The following TRPC3 variants were observed in gnomAD, a reference collection of about 807,000 sequenced individuals.
TRPC3 encodes the protein transient receptor potential cation channel subfamily C member 3.
In TRPC3, 54 loss-of-function variants were observed where a neutral mutation model predicts 90.9. The observed-to-expected ratio is 0.59, with a 90% CI of 0.48 to 0.75. The LOEUF is 0.75. TRPC3 is among the 30% of genes least tolerant of loss of function. TRPC3 has a pLI of 0.00. For synonymous variants in TRPC3, 424 were observed against 450.9 expected (o/e 0.94, Z 0.75); for missense variants, 918 against 1,194.5 (o/e 0.77, Z 3.41).
At chr4:121,883,151 T>C (rs1287616955) in intron 10 of TRPC3, among the ~76,000 whole-genome samples, 1 of 152,042 alleles carries the variant, frequency 6.6e-6, no homozygotes, top group Non-Finnish European at 1.5e-5. Flanking sequence ...TCCATTTGCA[T>C]CTTAAATGTG....
In TRPC3 at chr4:121,899,779, C is replaced by A. The variant is rs1728642089; in HGVS notation, c.2464-84G>T. ...ATAATCCATTTATTCTCCTTGATAA[C>A]ATTTCTGGAGTCAACATTCCCAAGA... On this transcript the variant is annotated intron_variant, in intron 9 of 11. Coordinates refer to ENST00000379645, the MANE Select transcript of TRPC3 (RefSeq NM_001130698.2). 18 of 1,076,800 alleles carry A rather than the reference C, an allele frequency of 1.7e-5. 1 individual carries two copies. In the South Asian group the frequency reaches 1.7e-4, roughly 10 times the overall value. 66.7% of individuals were successfully genotyped at this position (1,076,800 alleles called of 1,614,324 possible). A position where few individuals can be genotyped will look rare whatever the true frequency, so the allele number is the denominator to read the frequency against.
At chr4:121,906,681 G>C (rs905632728) in intron 7 of TRPC3, among the ~76,000 whole-genome samples, 2 of 152,002 alleles carry the variant, frequency 1.3e-5, no homozygotes, top group Middle Eastern at 3.2e-3. Context: ...TAGAAGGGGG[G>C]CCCTATATTC....
chr4:121,899,980 G>A (rs575088963), intron 9 of TRPC3, among the ~76,000 whole-genome samples: 95 of 152,084 alleles, frequency 6.2e-4, no homozygotes, highest in African/African-American at 2.2e-3. Flanking sequence ...AATTTTCCCT[G>A]GGGACCTTGT....
chr4:121,951,915 C>G lies in TRPC3; in HGVS notation c.-235G>C, dbSNP rs1169500836. On this transcript the variant is annotated 5_prime_UTR_variant, in exon 1 of 12. Transcript: ENST00000379645. The surrounding 1 kb of genome is among the most constrained non-coding windows in gnomAD (Gnocchi z 4.4). ...CATCAAACCGTGGGAGCAGCTGCCG[C>G]GGCCGTGGCTGCGACGAGGAAGCCC... is the stretch of plus-strand genomic sequence containing the variant. Among the ~76,000 whole-genome samples the G allele has an allele frequency of 6.6e-6, 1 of 152,022 alleles. No homozygotes were observed. Among genetic ancestry groups the G allele is most frequent in the Non-Finnish European group, 1.5e-5 (1 of 68,012 alleles).
chr4:121,876,725 C>T lies in TRPC3; in HGVS notation c.*3011G>A, dbSNP rs974878229. ...ATTTTTCAAAGTTTTCTCATTATTTCAAGTCTAAGAACCCAAACTTTTCAA... is the reference window on the plus strand; with the variant it reads ...ATTTTTCAAAGTTTTCTCATTATTTTAAGTCTAAGAACCCAAACTTTTCAA... On this transcript the variant is annotated 3_prime_UTR_variant, in exon 12 of 12. Transcript: ENST00000379645. Among the ~76,000 whole-genome samples, 4 of 152,064 alleles carry T rather than the reference C, an allele frequency of 2.6e-5. No individual in the cohort carries two copies. Among genetic ancestry groups the T allele is most frequent in the Non-Finnish European group, 5.9e-5 (4 of 68,006 alleles).
intron 1 of TRPC3, among the ~76,000 whole-genome samples, chr4:121,934,329 A>G (rs1730058138): frequency 6.6e-6 from 1 of 152,212 alleles, no homozygotes; most frequent in Admixed American, 6.5e-5. Context: ...CATCGTGACT[A>G]TCTATAATCT....
intron 1 of TRPC3, 30 bp from the exon 2 acceptor site, chr4:121,933,072 A>G (rs1730010115): frequency 6.5e-7 from 1 of 1,530,350 alleles, no homozygotes; most frequent in South Asian, 1.3e-5. Flanking sequence ...AAACAACTGT[A>G]GAATATTAGG....
At chr4:121,890,353 A>AAG (rs1728280285) in intron 10 of TRPC3, among the ~76,000 whole-genome samples, 1 of 152,236 alleles carries the variant, frequency 6.6e-6, no homozygotes. Flanking sequence ...ATAAATGAAC[A>AAG]AGGTGATGAA....
Position 121,951,523 on chromosome 4 carries a change from G to A in TRPC3, c.158C>T (p.Pro53Leu), listed in dbSNP as rs1283147679. 17 of 1,389,726 alleles carry A rather than the reference G, an allele frequency of 1.2e-5. No individual in the cohort carries two copies. The highest frequency in any genetic ancestry group is 1.5e-5 in the African/African-American group (1 of 65,504). 86.1% of individuals were successfully genotyped at this position (1,389,726 alleles called of 1,614,324 possible). ...GTAGCCGTGCGGCTCCCGCTGCGAG[G>A]GCGCCGAGCGCGGCTCCAGCCCCCC... Reference protein sequence around the residue: ...VNGGLEPRSAPSQREPHGYCP... With the variant: ...VNGGLEPRSALSQREPHGYCP... The change falls in exon 1 of 12, where the codon CCC becomes CTC. Residue 53 changes from proline to leucine, a missense_variant. Physicochemically the swap from Pro to Leu is moderately conservative, Grantham distance 98 (BLOSUM62 -3). Coordinates refer to ENST00000379645, the MANE Select transcript of TRPC3 (RefSeq NM_001130698.2). The surrounding 1 kb of genome is among the most constrained non-coding windows in gnomAD (Gnocchi z 4.4).
At position 121,895,224 on chromosome 4, in the gene TRPC3, T is replaced by C. The variant is rs77233187; in HGVS notation, c.2547+4388A>G. Among the ~76,000 whole-genome samples the C allele has an allele frequency of 1.4e-3, 207 of 151,452 alleles. 2 individuals carry two copies. Among genetic ancestry groups the C allele is most frequent in the African/African-American group, 4.0e-3 (166 of 41,268 alleles). On this transcript the variant is annotated intron_variant, in intron 10 of 11. Transcript: ENST00000379645. The stretch of plus-strand genomic sequence containing the variant: ...TACATCCATCAAAAAACTAGAAAGA[T>C]TTCAAACAATCTAATGATGCACATA...
At chr4:121,912,391 T>C (rs1447988063) in intron 4 of TRPC3, among the ~76,000 whole-genome samples, 1 of 152,166 alleles carries the variant, frequency 6.6e-6, no homozygotes, top group East Asian at 1.9e-4. Flanking sequence ...GCTCTTATTT[T>C]TACACAAAAG....
intron 2 of TRPC3, among the ~76,000 whole-genome samples, chr4:121,929,997 C>T (rs1304427406): frequency 2.6e-5 from 4 of 152,094 alleles, no homozygotes; most frequent in Non-Finnish European, 5.9e-5. Flanking sequence ...TTTTGCTGCC[C>T]TTTCAGAGCT....
intron 7 of TRPC3, among the ~76,000 whole-genome samples, chr4:121,905,186 AAT>A (rs1460094264): frequency 6.6e-6 from 1 of 152,098 alleles, no homozygotes; most frequent in Non-Finnish European, 1.5e-5. Context: ...AGGGCATACA[AAT>A]ACTTATATTC....
At chr4:121,913,136 G>C (rs1203749125) in intron 4 of TRPC3, among the ~76,000 whole-genome samples, 1 of 152,160 alleles carries the variant, frequency 6.6e-6, no homozygotes, top group Admixed American at 6.5e-5. Context: ...ACAGACGAAT[G>C]TCACATTTTC....
intron 10 of TRPC3, among the ~76,000 whole-genome samples, chr4:121,884,310 A>G (rs1164548609): frequency 6.6e-6 from 1 of 152,184 alleles, no homozygotes; most frequent in Admixed American, 6.6e-5. Context: ...GAGAAACCCA[A>G]CTTCAAGATA....
intron 1 of TRPC3, among the ~76,000 whole-genome samples, chr4:121,943,805 T>C (rs1348918270): frequency 1.3e-5 from 2 of 152,196 alleles, no homozygotes; most frequent in Non-Finnish European, 1.5e-5. Context: ...GTCACACATT[T>C]TCCTTAACAA....
rs1376540834 is a variant in TRPC3, at chr4:121,875,231, A to C, written c.*4505T>G. On this transcript the variant is annotated 3_prime_UTR_variant, in exon 12 of 12. Coordinates refer to ENST00000379645, the MANE Select transcript of TRPC3 (RefSeq NM_001130698.2). The stretch of plus-strand genomic sequence containing the variant: ...ATTAATTGTGTAGAAGGAAAGTAAA[A>C]GTTTATTTTGAAGCTCAAATTTATT... Among the ~76,000 whole-genome samples, 1 of 152,120 alleles carries C rather than the reference A, an allele frequency of 6.6e-6. No homozygotes were observed. The highest frequency in any genetic ancestry group is 2.4e-5 in the African/African-American group (1 of 41,444).
At chr4:121,950,359 G>A (rs548133979) in intron 1 of TRPC3, among the ~76,000 whole-genome samples, 84 of 152,344 alleles carry the variant, frequency 5.5e-4, no homozygotes, top group African/African-American at 1.9e-3. Context: ...GCAGCAGGGG[G>A]CGCTGCAGAA....
chr4:121,913,088 G>A (rs1729167872), intron 4 of TRPC3, among the ~76,000 whole-genome samples: 1 of 152,238 alleles, frequency 6.6e-6, no homozygotes, highest in Admixed American at 6.5e-5. Flanking sequence ...AATGATGAAA[G>A]AGATGTCAGG....
Sources: allele counts gnomAD v4.1 joint callset (sites outside exome capture counted in the v4.1 genomes callset), GRCh38; gene constraint gnomAD v4.1.1; non-coding constraint Gnocchi (gnomAD v3.1); transcripts MANE v1.5; gene names NCBI Gene and HGNC (gene_info 2026-07-23, HGNC 2026-07-21).